Variants in ATP10A observed in about 807,000 individuals in gnomAD.
The protein encoded by ATP10A is phospholipid-transporting ATPase VA.
Under a neutral mutation model 147.8 loss-of-function variants are expected in ATP10A, and 111 were observed. The ratio of observed to expected loss-of-function variants is 0.75; its 90% CI spans 0.64 to 0.88. The LOEUF (loss-of-function observed/expected upper bound fraction) is 0.88, where lower values mean the gene tolerates loss of function less well. Ranked by LOEUF, ATP10A falls within the 40% of genes least tolerant of loss-of-function variation. ATP10A has a pLI of 0.00. For synonymous variants in ATP10A, 875 were observed against 841.6 expected (o/e 1.04, Z -0.69); for missense variants, 1,927 against 1,959.0 (o/e 0.98, Z 0.31).
intron 2 of ATP10A, among the ~76,000 whole-genome samples, chr15:25,768,904 A>T (rs1013008390): frequency 2.0e-5 from 3 of 152,062 alleles, no homozygotes; most frequent in African/African-American, 7.2e-5. Flanking sequence ...GAACAGGAAA[A>T]ACACTACGTA....
chr15:25,843,358 T>G lies in ATP10A; in HGVS notation c.449+19290A>C, dbSNP rs1892893713. On this transcript the variant is annotated intron_variant, in intron 1 of 20. Coordinates refer to ENST00000555815, the MANE Select transcript of ATP10A (RefSeq NM_024490.4). ...TCAAAGTTCAGAGATGGAAGGAAAC[T>G]CCTCAGTGCAAGTGGAGAGAGACAG... is the stretch of plus-strand genomic sequence containing the variant. Among the ~76,000 whole-genome samples, 9 of 151,730 alleles carry G rather than the reference T, an allele frequency of 5.9e-5. No homozygotes were observed. In the South Asian group the frequency reaches 1.9e-3, roughly 32 times the overall value.
chr15:25,863,201 G>T lies in ATP10A; in HGVS notation c.-105C>A. On this transcript the variant is annotated 5_prime_UTR_variant, in exon 1 of 21. Transcript: ENST00000555815. ...CCGGGCGCGGCGGTGCGAGCTCCCCGCCTGCGGGACGCACGGAGACCGCGG... is the reference window on the plus strand; with the variant it reads ...CCGGGCGCGGCGGTGCGAGCTCCCCTCCTGCGGGACGCACGGAGACCGCGG... The T allele has an allele frequency of 1.2e-6, 1 of 817,500 alleles. No homozygotes were observed. Among genetic ancestry groups the T allele is most frequent in the Non-Finnish European group, 1.5e-6 (1 of 659,330 alleles). The allele number at this position is 817,500 out of a possible 1,614,324, so 50.6% of individuals were successfully genotyped here. A position where few individuals can be genotyped will look rare whatever the true frequency, so the allele number is the denominator to read the frequency against.
intron 9 of ATP10A, among the ~76,000 whole-genome samples, chr15:25,715,466 C>T (rs1373167465): frequency 1.3e-5 from 2 of 152,252 alleles, no homozygotes; most frequent in African/African-American, 2.4e-5. Context: ...GCCTCAATGA[C>T]GCTGCCATCT....
intron 8 of ATP10A, 36 bp downstream of exon 8, chr15:25,718,146 G>A (rs769145964): frequency 4.0e-5 from 64 of 1,590,516 alleles, no homozygotes; most frequent in Non-Finnish European, 5.1e-5. Flanking sequence ...GGGAAGAGAC[G>A]TGGCAGCACC....
At chr15:25,729,610 C>A (rs988820987) in intron 3 of ATP10A, among the ~76,000 whole-genome samples, 3 of 152,124 alleles carry the variant, frequency 2.0e-5, no homozygotes, top group South Asian at 2.1e-4. Context: ...AACCAGCCGA[C>A]CCTGCAGCCC....
intron 1 of ATP10A, among the ~76,000 whole-genome samples, chr15:25,785,290 G>T (rs1483081565): frequency 6.6e-6 from 1 of 152,156 alleles, no homozygotes; most frequent in African/African-American, 2.4e-5. Flanking sequence ...ATGCAATGTG[G>T]CTGGGGTCCT....
At chr15:25,740,263 T>A (rs1567347455) in intron 2 of ATP10A, among the ~76,000 whole-genome samples, 1 of 152,148 alleles carries the variant, frequency 6.6e-6, no homozygotes, top group African/African-American at 2.4e-5. Context: ...TTTTCTATCA[T>A]AAAAAAACTA....
intron 10 of ATP10A, among the ~76,000 whole-genome samples, chr15:25,712,631 G>A (rs1901511688): frequency 6.6e-6 from 1 of 152,228 alleles, no homozygotes; most frequent in Admixed American, 6.5e-5. Flanking sequence ...TTCAGAAGAA[G>A]CTTCCTAGAA....
intron 1 of ATP10A, among the ~76,000 whole-genome samples, chr15:25,808,109 G>A (rs952049643): frequency 5.4e-4 from 82 of 152,290 alleles, no homozygotes; most frequent in African/African-American, 1.9e-3. Context: ...CGTAATAAAC[G>A]TCCTTAATTT....
intron 1 of ATP10A, among the ~76,000 whole-genome samples, chr15:25,852,630 G>T (rs1172648242): frequency 6.6e-6 from 1 of 152,110 alleles, no homozygotes; most frequent in East Asian, 1.9e-4. Flanking sequence ...TTTATTAACT[G>T]AATTCATATT....
At chr15:25,798,609 C>T (rs116789507) in intron 1 of ATP10A, among the ~76,000 whole-genome samples, 1,941 of 152,296 alleles carry the variant, frequency 0.013, 50 homozygotes, top group African/African-American at 0.044. Context: ...ATGGCCAGGG[C>T]GGCACAAGGC....
intron 2 of ATP10A, among the ~76,000 whole-genome samples, chr15:25,772,719 T>C (rs1596857669): frequency 1.3e-5 from 2 of 152,234 alleles, no homozygotes; most frequent in African/African-American, 2.4e-5. Flanking sequence ...TCTGGCACAA[T>C]TCCTAACCTA....
intron 2 of ATP10A, among the ~76,000 whole-genome samples, chr15:25,771,914 G>A (rs1889358873): frequency 6.6e-6 from 1 of 151,918 alleles, no homozygotes; most frequent in Non-Finnish European, 1.5e-5. Context: ...CACCACGCCT[G>A]GATAATTTTT....
At chr15:25,855,029 A>T (rs1344326107) in intron 1 of ATP10A, among the ~76,000 whole-genome samples, 2 of 149,818 alleles carry the variant, frequency 1.3e-5, no homozygotes, top group Admixed American at 6.6e-5. Flanking sequence ...ATTGCACTCC[A>T]GCCTGGGCAA....
chr15:25,735,437 A>G (rs1887215082), intron 3 of ATP10A, among the ~76,000 whole-genome samples: 1 of 152,292 alleles, frequency 6.6e-6, no homozygotes, highest in Admixed American at 6.5e-5. Context: ...AGCAAGTGCC[A>G]ACACAGGGCC....
chr15:25,761,637 T>C (rs1888761863), intron 2 of ATP10A, among the ~76,000 whole-genome samples: 2 of 152,268 alleles, frequency 1.3e-5, no homozygotes, highest in African/African-American at 2.4e-5. Context: ...GAGATCATTT[T>C]GGAGCTTTAA....
chr15:25,780,410 T>C (rs1889857954), intron 2 of ATP10A, among the ~76,000 whole-genome samples: 1 of 152,206 alleles, frequency 6.6e-6, no homozygotes, highest in African/African-American at 2.4e-5. Context: ...TCACCTGGCA[T>C]TAGCACCTCA....
At chr15:25,787,248 C>T (rs4906771) in intron 1 of ATP10A, among the ~76,000 whole-genome samples, 64,345 of 151,806 alleles carry the variant, frequency 0.42, 13,754 homozygotes, top group East Asian at 0.6. Context: ...CAAAAAAGTT[C>T]TTCCATTTTT....
intron 1 of ATP10A, among the ~76,000 whole-genome samples, chr15:25,844,629 G>A (rs769530330): frequency 2.0e-5 from 3 of 152,106 alleles, no homozygotes; most frequent in East Asian, 1.9e-4. Context: ...CCTCCTGCCC[G>A]CCCCATGCAC....
Sources: gnomAD v4.1 joint callset for allele counts (sites outside exome capture counted in the v4.1 genomes callset) on GRCh38, gnomAD v4.1.1 for gene constraint, MANE v1.5 for transcripts, NCBI Gene and HGNC (gene_info 2026-07-23, HGNC 2026-07-21) for gene names.